Variants in CHSY3 observed in about 807,000 individuals in gnomAD.
CHSY3 encodes N-acetylgalactosaminyl-proteoglycan 3-beta-glucuronosyltransferase 3.
A neutral mutation model predicts 67.2 loss-of-function variants in CHSY3; 35 were observed. The ratio of observed to expected loss-of-function variants is 0.52; its 90% confidence interval spans 0.40 to 0.69. The LOEUF is 0.69. CHSY3 is among the 30% of genes least tolerant of loss of function. The probability of loss-of-function intolerance (pLI) is 0.00; values close to 1 mark genes in which losing one functional copy is unlikely to be tolerated. For synonymous variants in CHSY3, 474 were observed against 434.7 expected, an observed-to-expected ratio of 1.09 and a Z score of -1.12; for missense variants, 1,069 against 1,138.5, an observed-to-expected ratio of 0.94 and a Z score of 0.88.
At chr5:130,020,452 TATA>T (rs1240960832) in intron 2 of CHSY3, among the ~76,000 whole-genome samples, 175 of 2,994 alleles carry the variant, frequency 0.058, no homozygotes, top group Middle Eastern at 0.25. Flanking sequence ...TATATATATA[TATA>T]TATATATTTT....
rs542880683 is a variant in CHSY3, at chr5:129,970,997, AG to A, written c.1086+62638del. 2.2e-3 allele frequency among the ~76,000 whole-genome samples: 327 copies of A among 151,990 alleles called. 2 individuals carry two copies. Among genetic ancestry groups the A allele is most frequent in the African/African-American group, 7.3e-3 (302 of 41,520 alleles). ...AAGCTATGATATTAAGGCTTATTAT[AG>A]TATGTGCCTATAAATGTATGCTCAG... On this transcript the variant is annotated intron_variant, in intron 2 of 2. Coordinates refer to ENST00000305031, the MANE Select transcript of CHSY3 (RefSeq NM_175856.5).
chr5:129,993,003 CA>C (rs550033555), intron 2 of CHSY3, among the ~76,000 whole-genome samples: 38 of 152,218 alleles, frequency 2.5e-4, no homozygotes, highest in Non-Finnish European at 4.4e-4. Context: ...TTTTTAAACA[CA>C]AACTTTTGTT....
At chr5:130,069,999 T>C (rs1330714764) in intron 2 of CHSY3, among the ~76,000 whole-genome samples, 1 of 152,052 alleles carries the variant, frequency 6.6e-6, no homozygotes, top group Non-Finnish European at 1.5e-5. Context: ...TAACGAAACT[T>C]ATAAGATATA....
intron 2 of CHSY3, among the ~76,000 whole-genome samples, chr5:130,095,649 C>A (rs1046526750): frequency 6.6e-6 from 1 of 152,154 alleles, no homozygotes; most frequent in Non-Finnish European, 1.5e-5. Flanking sequence ...TAGAAAATCA[C>A]TATTAGAATA....
chr5:130,148,750 T>G (rs1488013040), intron 2 of CHSY3, among the ~76,000 whole-genome samples: 4 of 152,158 alleles, frequency 2.6e-5, no homozygotes, highest in African/African-American at 9.7e-5. Flanking sequence ...GGGTTTTTTG[T>G]TTTTTTATTG....
chr5:130,008,083 C>T (rs1164779568), intron 2 of CHSY3, among the ~76,000 whole-genome samples: 1 of 152,200 alleles, frequency 6.6e-6, no homozygotes, highest in Non-Finnish European at 1.5e-5. Flanking sequence ...CACCAGTTTG[C>T]CAGCATTTGC....
chr5:130,057,510 A>G (rs1429779575), intron 2 of CHSY3, among the ~76,000 whole-genome samples: 2 of 152,190 alleles, frequency 1.3e-5, no homozygotes, highest in African/African-American at 2.4e-5. Flanking sequence ...TAGAAGGAAA[A>G]TCTTATCAAT....
At chr5:129,938,278 C>A (rs993796726) in intron 2 of CHSY3, among the ~76,000 whole-genome samples, 1 of 152,242 alleles carries the variant, frequency 6.6e-6, no homozygotes, top group Non-Finnish European at 1.5e-5. Context: ...CGCCCTGGGC[C>A]TCCAGGCCTG....
intron 2 of CHSY3, among the ~76,000 whole-genome samples, chr5:130,097,829 C>T (rs1767100395): frequency 6.6e-6 from 1 of 152,130 alleles, no homozygotes; most frequent in South Asian, 2.1e-4. Flanking sequence ...CGGTGAAACC[C>T]CGTCTCTACT....
intron 2 of CHSY3, among the ~76,000 whole-genome samples, chr5:130,104,507 T>A (rs1392056629): frequency 6.6e-6 from 1 of 151,752 alleles, no homozygotes; most frequent in East Asian, 1.9e-4. Flanking sequence ...GATTACCTAT[T>A]TTTAGGAGGG....
intron 2 of CHSY3, among the ~76,000 whole-genome samples, chr5:129,991,443 G>A (rs1763363692): frequency 6.6e-6 from 1 of 152,068 alleles, no homozygotes; most frequent in Non-Finnish European, 1.5e-5. Flanking sequence ...AGTATCTCAG[G>A]TATGAAATTT....
intron 2 of CHSY3, among the ~76,000 whole-genome samples, chr5:129,984,951 T>C (rs1763136636): frequency 6.6e-6 from 1 of 152,082 alleles, no homozygotes; most frequent in Non-Finnish European, 1.5e-5. Flanking sequence ...AATATCCAAA[T>C]AATTTCTCCC....
intron 2 of CHSY3, among the ~76,000 whole-genome samples, chr5:130,053,206 G>T (rs1765419433): frequency 6.6e-6 from 1 of 151,992 alleles, no homozygotes; most frequent in African/African-American, 2.4e-5. Flanking sequence ...AAGGAGAAAA[G>T]AATCACATGA....
At chr5:130,065,523 C>T (rs1765857005) in intron 2 of CHSY3, among the ~76,000 whole-genome samples, 1 of 152,016 alleles carries the variant, frequency 6.6e-6, no homozygotes, top group South Asian at 2.1e-4. Context: ...CTCTATGTGA[C>T]CCTTTCTATT....
chr5:130,061,277 C>A (rs113587507), intron 2 of CHSY3, among the ~76,000 whole-genome samples: 26 of 152,156 alleles, frequency 1.7e-4, no homozygotes, highest in Admixed American at 1.6e-3. Flanking sequence ...AACCAATTGA[C>A]CTTTGACAAA....
At chr5:129,998,769 G>T (rs1763629502) in intron 2 of CHSY3, among the ~76,000 whole-genome samples, 2 of 151,332 alleles carry the variant, frequency 1.3e-5, no homozygotes, top group Admixed American at 6.6e-5. Flanking sequence ...TTATGTTTTT[G>T]ATTTTTCTTA....
Position 129,905,460 on chromosome 5 carries a change from C to G in CHSY3, c.631C>G (p.Pro211Ala). The change falls in exon 1 of 3, where the codon CCC (proline) becomes GCC (alanine). Residue 211 changes from proline (P) to alanine (A), a missense_variant. Coordinates refer to ENST00000305031, the MANE Select transcript of CHSY3 (RefSeq NM_175856.5). The stretch of plus-strand genomic sequence containing the variant: ...CGTGGAGTTCTTTTCCAGCCAGCAG[C>G]CCCCCAACGCCGGCCAGCCCCCGCC... ...GRVEFFSSQQ[P>A]PNAGQPPPPL... 6.2e-7 allele frequency: 1 copy of G among 1,612,476 alleles called. No homozygotes were observed. Among genetic ancestry groups the G allele is most frequent in the African/African-American group, 1.3e-5 (1 of 75,030 alleles).
intron 2 of CHSY3, among the ~76,000 whole-genome samples, chr5:129,933,635 T>G (rs1761387754): frequency 6.6e-6 from 1 of 152,148 alleles, no homozygotes; most frequent in Non-Finnish European, 1.5e-5. Flanking sequence ...CATTGACAGT[T>G]TTTTAATTCA....
intron 2 of CHSY3, among the ~76,000 whole-genome samples, chr5:129,954,001 A>AT (rs1359838516): frequency 2.0e-5 from 3 of 152,082 alleles, no homozygotes; most frequent in African/African-American, 7.2e-5. Context: ...TGAGTTGTCA[A>AT]TTTTGGCTTT....
Sources: gnomAD v4.1 joint callset for allele counts (sites outside exome capture counted in the v4.1 genomes callset) on GRCh38, gnomAD v4.1.1 for gene constraint, MANE v1.5 for transcripts, NCBI Gene and HGNC (gene_info 2026-07-23, HGNC 2026-07-21) for gene names.